The following NIPA2 variants were observed in gnomAD, a reference collection of about 807,000 sequenced individuals.
NIPA2 encodes magnesium transporter NIPA2.
NIPA2 carries 11 observed loss-of-function variants against 29.7 expected under a neutral mutation model. That is an observed-to-expected ratio of 0.37 (90% CI 0.23 to 0.61). The LOEUF is 0.61. Ranked by LOEUF, NIPA2 falls within the 20% of genes least tolerant of loss-of-function variation. The pLI, the probability that NIPA2 is intolerant of heterozygous loss-of-function variation, is 0.66. For synonymous variants in NIPA2, 183 were observed against 161.9 expected, an observed-to-expected ratio of 1.13 and a Z score of -0.99; for missense variants, 426 against 437.9, an observed-to-expected ratio of 0.97 and a Z score of 0.24.
intron 7 of NIPA2, among the ~76,000 whole-genome samples, chr15:22,863,604 G>A (rs1425620928): frequency 6.6e-6 from 1 of 152,198 alleles, no homozygotes; most frequent in Non-Finnish European, 1.5e-5. Flanking sequence ...AACACCGTAA[G>A]GGGAAATGCA....
chr15:22,865,659 G>A (rs986461341), intron 7 of NIPA2, among the ~76,000 whole-genome samples: 1 of 152,098 alleles, frequency 6.6e-6, no homozygotes, highest in African/African-American at 2.4e-5. Flanking sequence ...GGCCCACAGT[G>A]CTACACAGTT....
chr15:22,839,373 T>C (rs1896398674), intron 1 of NIPA2, among the ~76,000 whole-genome samples: 2 of 152,212 alleles, frequency 1.3e-5, no homozygotes, highest in African/African-American at 4.8e-5. Flanking sequence ...ATTTCTTTTC[T>C]AGGTTGTTAG....
At chr15:22,860,838 G>C (rs1368137874) in intron 7 of NIPA2, 49 bp downstream of exon 7, 2 of 1,427,938 alleles carry the variant, frequency 1.4e-6, no homozygotes, top group Admixed American at 2.5e-5. Flanking sequence ...TTTTAACTTA[G>C]TTTTTACTTT....
chr15:22,861,771 G>A (rs1192603776), intron 7 of NIPA2, among the ~76,000 whole-genome samples: 1 of 152,058 alleles, frequency 6.6e-6, no homozygotes, highest in East Asian at 1.9e-4. Context: ...ACAGGGCCGT[G>A]TTGCCCAGGC....
chr15:22,866,033 A>C (rs1156980210), intron 7 of NIPA2, among the ~76,000 whole-genome samples, 180 bp from the exon 8 acceptor site: 4 of 152,106 alleles, frequency 2.6e-5, no homozygotes, highest in Non-Finnish European at 5.9e-5. Flanking sequence ...TTAATCTTCC[A>C]GTGTGTCCAT....
intron 2 of NIPA2, among the ~76,000 whole-genome samples, chr15:22,841,512 T>A (rs549312444): frequency 1.1e-3 from 172 of 151,638 alleles, no homozygotes; most frequent in Admixed American, 2.4e-3. Flanking sequence ...GACACTCACC[T>A]TTTTTTTTCT....
intron 7 of NIPA2, among the ~76,000 whole-genome samples, chr15:22,863,725 C>G (rs2058777156): frequency 6.6e-6 from 1 of 152,216 alleles, no homozygotes; most frequent in African/African-American, 2.4e-5. Flanking sequence ...ACCTAGTCCC[C>G]TTAAGCTTAG....
At chr15:22,843,301 G>A (rs1595251729) in intron 2 of NIPA2, among the ~76,000 whole-genome samples, 2 of 151,926 alleles carry the variant, frequency 1.3e-5, no homozygotes, top group Non-Finnish European at 2.9e-5. Flanking sequence ...TCAGGAGATC[G>A]AGACCATCCT....
chr15:22,866,584 A>G lies in NIPA2; in HGVS notation c.820A>G (p.Met274Val). Reference sequence around the variant, plus strand: ...TATTCTTTTTAAGGAGTGGCAAGATATGCCTGTTGACGATGTCATTGGTAC... The same window carrying G: ...TATTCTTTTTAAGGAGTGGCAAGATGTGCCTGTTGACGATGTCATTGGTAC... ...SAILFKEWQD[M>V]PVDDVIGTLS... Residue 274 changes from methionine to valine, a missense_variant, in exon 8 of 8, where the codon ATG (methionine) becomes GTG (valine). Coordinates refer to ENST00000337451, the MANE Select transcript of NIPA2 (RefSeq NM_030922.7). The G allele has an allele frequency of 1.2e-6, 2 of 1,614,170 alleles. No homozygotes were observed. The highest frequency in any genetic ancestry group is 1.7e-6 in the Non-Finnish European group (2 of 1,179,998).
intron 2 of NIPA2, among the ~76,000 whole-genome samples, chr15:22,840,982 G>A (rs1024168356): frequency 3.3e-5 from 4 of 123,024 alleles, no homozygotes; most frequent in Admixed American, 1.1e-4. Flanking sequence ...ATATTGAACA[G>A]AAAGATAAGA....
chr15:22,844,201 A>G (rs1305217474), intron 2 of NIPA2, among the ~76,000 whole-genome samples: 1 of 152,172 alleles, frequency 6.6e-6, no homozygotes, highest in Non-Finnish European at 1.5e-5. Flanking sequence ...TATTTATTCC[A>G]TTTTTGACAT....
chr15:22,846,661 A>G (rs1198199849), intron 3 of NIPA2, among the ~76,000 whole-genome samples: 1 of 151,492 alleles, frequency 6.6e-6, no homozygotes, highest in Admixed American at 6.6e-5. Context: ...AAAAATACCA[A>G]AATTAGCCAG....
At chr15:22,840,721 A>T (rs1466619395) in intron 2 of NIPA2, among the ~76,000 whole-genome samples, 3 of 152,194 alleles carry the variant, frequency 2.0e-5, no homozygotes, top group African/African-American at 7.2e-5. Context: ...CTGTAAAGTG[A>T]TACCTTCATC....
In NIPA2 at chr15:22,867,764, T is replaced by A. The variant is rs1223181742; in HGVS notation, c.*917T>A. The A allele has an allele frequency of 6.6e-6, 1 of 152,174 alleles. No homozygotes were observed. Among genetic ancestry groups the A allele is most frequent in the Admixed American group, 6.5e-5 (1 of 15,284 alleles). The allele number at this position is 152,174 out of a possible 1,614,324, so 9.4% of individuals were successfully genotyped here. On this transcript the variant is annotated 3_prime_UTR_variant, in exon 8 of 8. Transcript: ENST00000337451. ...CTGAATGCTTAGAACAAACTTAACA[T>A]GTTTATAGAATATGGTCTCTTTGTA...
chr15:22,855,477 T>TA (rs2058110841), intron 5 of NIPA2, among the ~76,000 whole-genome samples: 1 of 152,038 alleles, frequency 6.6e-6, no homozygotes, highest in Non-Finnish European at 1.5e-5. Context: ...AACAAATACT[T>TA]ATTGATCATG....
In NIPA2 at chr15:22,866,696, T is replaced by TGTC. The variant is rs1484472438; in HGVS notation, c.933_935dup (p.Ser312dup). 2 of 1,614,030 alleles carry TGTC rather than the reference T, an allele frequency of 1.2e-6. No individual in the cohort carries two copies. Among genetic ancestry groups the TGTC allele is most frequent in the Middle Eastern group, 1.6e-4 (1 of 6,076 alleles). ...AGCTTTAGTCTAGCAAGTCTGCCTG[T>TGTC]GTCTTTTCGAAAAGACGAGAAAGCA... On this transcript the variant is annotated inframe_insertion, in exon 8 of 8. Transcript: ENST00000337451.
At chr15:22,845,673 C>T (rs969464698) in intron 3 of NIPA2, among the ~76,000 whole-genome samples, 1 of 151,954 alleles carries the variant, frequency 6.6e-6, no homozygotes, top group South Asian at 2.1e-4. Flanking sequence ...GGAGAGCAGG[C>T]TTTGGGTTGC....
chr15:22,861,948 G>T (rs1360195838), intron 7 of NIPA2, among the ~76,000 whole-genome samples: 4 of 151,542 alleles, frequency 2.6e-5, no homozygotes, highest in African/African-American at 4.9e-5. Flanking sequence ...ATGTTGGCCA[G>T]GTTGGTGTCG....
intron 6 of NIPA2, 118 bp downstream of exon 6, chr15:22,858,748 G>A (rs528570185): frequency 3.2e-5 from 18 of 567,388 alleles, no homozygotes; most frequent in Middle Eastern, 5.2e-4. Flanking sequence ...GGAGAACTTC[G>A]CTTTTTACAC....
Sources: gnomAD v4.1 joint callset for allele counts (sites outside exome capture counted in the v4.1 genomes callset) on GRCh38, gnomAD v4.1.1 for gene constraint, MANE v1.5 for transcripts, NCBI Gene and HGNC (gene_info 2026-07-23, HGNC 2026-07-21) for gene names.